ZNF385D: variants seen among roughly 807,000 people sequenced by gnomAD.
ZNF385D encodes the protein zinc finger protein 385D, also known as zinc finger protein 659.
A neutral mutation model predicts 35.8 loss-of-function variants in ZNF385D; 15 were observed. The ratio of observed to expected loss-of-function variants is 0.42; its 90% CI spans 0.28 to 0.64. ZNF385D has a LOEUF of 0.64. Among genes scored for constraint, ZNF385D ranks in the 30% least tolerant of loss-of-function variants. The pLI, the probability that ZNF385D is intolerant of heterozygous loss-of-function variation, is 0.23. For missense variants in ZNF385D, 474 were observed against 494.6 expected (o/e 0.96, Z 0.39); for synonymous variants, 212 against 186.8 (o/e 1.13, Z -1.10).
intron 2 of ZNF385D, among the ~76,000 whole-genome samples, chr3:21,577,812 CTTT>C (rs779083360): frequency 7.5e-6 from 1 of 133,562 alleles, no homozygotes; most frequent in Non-Finnish European, 1.6e-5. Context: ...TATTTTTTTT[CTTT>C]TTTTTTTTTT....
intron 1 of ZNF385D, among the ~76,000 whole-genome samples, chr3:21,713,892 T>A (rs569407953): frequency 6.6e-6 from 1 of 152,274 alleles, no homozygotes; most frequent in South Asian, 2.1e-4. Flanking sequence ...TCCTTTTACA[T>A]CAACTGAGTC....
intron 3 of ZNF385D, among the ~76,000 whole-genome samples, chr3:22,109,707 T>A (rs1702409195): frequency 6.6e-6 from 1 of 152,102 alleles, no homozygotes; most frequent in Non-Finnish European, 1.5e-5. Context: ...TTTAGGATAG[T>A]TCAACTCTGG....
At chr3:21,881,509 A>T (rs1204209793) in intron 3 of ZNF385D, among the ~76,000 whole-genome samples, 2 of 152,044 alleles carry the variant, frequency 1.3e-5, no homozygotes, top group African/African-American at 4.8e-5. Context: ...TTCCTTTTAA[A>T]ATATTACTGT....
intron 3 of ZNF385D, among the ~76,000 whole-genome samples, chr3:21,560,286 C>A (rs34323566): frequency 1.3e-5 from 2 of 152,142 alleles, no homozygotes; most frequent in South Asian, 2.1e-4. Context: ...TTCTCCCCAT[C>A]TTCGTGGATT....
chr3:22,094,971 G>A (rs1035019839), intron 3 of ZNF385D, among the ~76,000 whole-genome samples: 2 of 151,758 alleles, frequency 1.3e-5, no homozygotes, highest in African/African-American at 2.4e-5. Context: ...AGTGGCTCAT[G>A]ATCATAGCTC....
intron 1 of ZNF385D, among the ~76,000 whole-genome samples, chr3:21,749,572 T>A (rs570310284): frequency 6.6e-6 from 1 of 152,356 alleles, no homozygotes; most frequent in Admixed American, 6.5e-5. Context: ...TAAACAAGCT[T>A]ACCACCTCCA....
In ZNF385D at chr3:21,434,384, A is replaced by G. The variant is rs955078682; in HGVS notation, c.673+2586T>C. On this transcript the variant is annotated intron_variant, in intron 5 of 7. Transcript: ENST00000281523. ...CCACAATGATCATATGATGAATCCTACATCTGTGGCTAGTATTCCTGGCAG... is the reference window on the plus strand; with the variant it reads ...CCACAATGATCATATGATGAATCCTGCATCTGTGGCTAGTATTCCTGGCAG... Among the ~76,000 whole-genome samples, 5 of 152,188 alleles carry G rather than the reference A, an allele frequency of 3.3e-5. No homozygotes were observed. In the East Asian group the frequency reaches 9.6e-4, roughly 29 times the overall value.
At chr3:21,993,408 T>C (rs1012995705) in intron 3 of ZNF385D, among the ~76,000 whole-genome samples, 7 of 152,158 alleles carry the variant, frequency 4.6e-5, no homozygotes, top group African/African-American at 1.7e-4. Context: ...CTCTCTCTGG[T>C]CTCTCCTAAA....
intron 2 of ZNF385D, among the ~76,000 whole-genome samples, chr3:22,293,649 C>T (rs1177502484): frequency 6.6e-6 from 1 of 152,088 alleles, no homozygotes; most frequent in Non-Finnish European, 1.5e-5. Flanking sequence ...GAATATTTTC[C>T]TCAGTTGTTC....
intron 3 of ZNF385D, among the ~76,000 whole-genome samples, chr3:22,024,590 T>C (rs1359320759): frequency 1.3e-5 from 2 of 152,158 alleles, no homozygotes; most frequent in African/African-American, 2.4e-5. Flanking sequence ...CATACTATTA[T>C]ATTCTTCATA....
chr3:22,304,551 T>G lies in ZNF385D; in HGVS notation c.106+67899A>C, dbSNP rs539620320. Among the ~76,000 whole-genome samples, 3 of 152,300 alleles carry G rather than the reference T, an allele frequency of 2.0e-5. No individual in the cohort carries two copies. In the East Asian group the frequency reaches 5.8e-4, roughly 29 times the overall value. On this transcript the variant is annotated intron_variant, in intron 2 of 5. Transcript: ENST00000494108. ...CCTTGTTGGAAATAATTATTTGAAA[T>G]ATTTTTAATATCTTCTATGGTTAGT...
intron 3 of ZNF385D, among the ~76,000 whole-genome samples, chr3:21,938,975 C>T (rs887148754): frequency 9.2e-5 from 14 of 152,152 alleles, no homozygotes; most frequent in African/African-American, 3.4e-4. Context: ...GTTCAAGGCC[C>T]ATCTTTTGTG....
At chr3:22,145,010 A>ATG (rs36060381) in intron 3 of ZNF385D, among the ~76,000 whole-genome samples, 52,825 of 148,750 alleles carry the variant, frequency 0.36, 9,574 homozygotes, top group Middle Eastern at 0.48. Flanking sequence ...GAAGATACAT[A>ATG]TGTGTGTGTG....
At position 21,430,292 on chromosome 3, in the gene ZNF385D, C is replaced by A. The variant is rs369168310; in HGVS notation, c.674-4622G>T. On this transcript the variant is annotated intron_variant, in intron 5 of 7. Transcript: ENST00000281523. ...GTTAGTTCCTTGGTTGAAAGTAATT[C>A]ACTGATTTACCAGTAATATATCCAA... 2.0e-5 allele frequency among the ~76,000 whole-genome samples: 3 copies of A among 151,944 alleles called. No homozygotes were observed. The East Asian group carries it at 5.8e-4, about 29-fold the overall frequency.
intron 2 of ZNF385D, among the ~76,000 whole-genome samples, chr3:21,648,926 A>C (rs1405802414): frequency 6.6e-6 from 1 of 152,088 alleles, no homozygotes; most frequent in Non-Finnish European, 1.5e-5. Flanking sequence ...TATTATCTCC[A>C]TTTTACATGT....
chr3:21,569,554 C>T (rs1005879952), intron 2 of ZNF385D, among the ~76,000 whole-genome samples: 2 of 150,576 alleles, frequency 1.3e-5, no homozygotes, highest in African/African-American at 4.9e-5. Flanking sequence ...AGCATTTAGT[C>T]CATTTACATT....
chr3:21,655,595 T>C (rs2066050195), intron 2 of ZNF385D, among the ~76,000 whole-genome samples: 1 of 152,010 alleles, frequency 6.6e-6, no homozygotes, highest in Admixed American at 6.6e-5. Flanking sequence ...AGCCAGACTC[T>C]CATTCAGGAA....
chr3:21,911,884 C>G lies in ZNF385D; in HGVS notation c.326-246856G>C, dbSNP rs533440847. ...TAGTATAATCACTTTTGTTAAATTT[C>G]CTAGAAGTCATAGAAGATAATAATG... On this transcript the variant is annotated intron_variant, in intron 3 of 5. Transcript: ENST00000494108. 2.0e-5 allele frequency among the ~76,000 whole-genome samples: 3 copies of G among 151,588 alleles called. No individual in the cohort carries two copies. The South Asian group carries it at 6.3e-4, about 32-fold the overall frequency.
intron 1 of ZNF385D, among the ~76,000 whole-genome samples, chr3:21,670,798 T>G (rs1252751212): frequency 6.6e-6 from 1 of 150,778 alleles, no homozygotes; most frequent in East Asian, 2.0e-4. Flanking sequence ...CTAACAGCCA[T>G]TAGCCTTTCT....
Sources: allele counts gnomAD v4.1 joint callset (sites outside exome capture counted in the v4.1 genomes callset), GRCh38; gene constraint gnomAD v4.1.1; transcripts MANE v1.5; gene names NCBI Gene and HGNC (gene_info 2026-07-23, HGNC 2026-07-21).